Variants in SUPT3H observed in about 807,000 individuals in gnomAD.
The protein encoded by SUPT3H is transcription initiation protein SPT3 homolog.
Under a neutral mutation model 44.3 loss-of-function variants are expected in SUPT3H, and 44 were observed. The ratio of observed to expected loss-of-function variants is 0.99; its 90% CI spans 0.78 to 1.28. The LOEUF (loss-of-function observed/expected upper bound fraction) is 1.28. Ranked by LOEUF, SUPT3H falls within the 50% of genes most tolerant of loss-of-function variation. The pLI is 0.00. For missense variants in SUPT3H, 380 were observed against 387.1 expected (o/e 0.98, Z 0.15); for synonymous variants, 124 against 125.6 (o/e 0.99, Z 0.09).
At chr6:44,942,006 T>C (rs1053679677) in intron 9 of SUPT3H, among the ~76,000 whole-genome samples, 1 of 152,154 alleles carries the variant, frequency 6.6e-6, no homozygotes, top group African/African-American at 2.4e-5. Flanking sequence ...ACTGGGATAA[T>C]ACTTTCCTCA....
chr6:45,111,427 T>C (rs2153574339), intron 2 of SUPT3H, among the ~76,000 whole-genome samples: 1 of 152,192 alleles, frequency 6.6e-6, no homozygotes, highest in Admixed American at 6.5e-5. Context: ...GCATGACCAA[T>C]CACCCTAGTT....
intron 2 of SUPT3H, among the ~76,000 whole-genome samples, chr6:45,138,201 G>T (rs978428537): frequency 6.6e-6 from 1 of 152,078 alleles, no homozygotes; most frequent in Non-Finnish European, 1.5e-5. Context: ...AAGATAATAA[G>T]AAGTGCTAGG....
chr6:44,923,427 T>G (rs1769035256), intron 10 of SUPT3H, among the ~76,000 whole-genome samples: 1 of 152,122 alleles, frequency 6.6e-6, no homozygotes, highest in South Asian at 2.1e-4. Flanking sequence ...TCATCCACTG[T>G]TTTATATTTG....
intron 4 of SUPT3H, among the ~76,000 whole-genome samples, chr6:45,017,254 C>T (rs1210117231): frequency 4.0e-5 from 6 of 149,554 alleles, no homozygotes; most frequent in Non-Finnish European, 7.4e-5. Flanking sequence ...AGCCCTTTGT[C>T]AGATGAGTAG....
intron 6 of SUPT3H, among the ~76,000 whole-genome samples, chr6:44,966,081 A>C (rs935120204): frequency 2.5e-4 from 38 of 152,300 alleles, no homozygotes; most frequent in African/African-American, 8.7e-4. Flanking sequence ...CCATTAAAAA[A>C]ATCAAGACAG....
intron 2 of SUPT3H, among the ~76,000 whole-genome samples, chr6:45,319,939 GTAAA>G (rs1785230128): frequency 6.6e-6 from 1 of 152,064 alleles, no homozygotes; most frequent in South Asian, 2.1e-4. Flanking sequence ...ATAATGAAAA[GTAAA>G]TAAATTAAAT....
intron 10 of SUPT3H, among the ~76,000 whole-genome samples, chr6:44,844,818 ATGG>A (rs764721814): frequency 2.0e-5 from 3 of 152,202 alleles, no homozygotes; most frequent in Middle Eastern, 3.2e-3. Flanking sequence ...TTTAATTGTG[ATGG>A]TGGTTTTATG....
intron 2 of SUPT3H, among the ~76,000 whole-genome samples, chr6:45,134,836 G>C (rs1026911390): frequency 1.7e-4 from 26 of 152,126 alleles, no homozygotes; most frequent in African/African-American, 6.3e-4. Flanking sequence ...TTACCCTATG[G>C]GGACTATCAT....
At chr6:45,123,367 T>C (rs1397497573) in intron 2 of SUPT3H, among the ~76,000 whole-genome samples, 1 of 150,636 alleles carries the variant, frequency 6.6e-6, no homozygotes, top group African/African-American at 2.4e-5. Context: ...AATTGTATCA[T>C]TTATTTCTTT....
intron 2 of SUPT3H, among the ~76,000 whole-genome samples, chr6:45,326,174 G>T (rs939656061): frequency 6.6e-6 from 1 of 151,812 alleles, no homozygotes; most frequent in Non-Finnish European, 1.5e-5. Context: ...TTTTAAGGAA[G>T]AAAATAGCAA....
intron 2 of SUPT3H, among the ~76,000 whole-genome samples, chr6:45,272,275 C>A (rs1776310684): frequency 6.6e-6 from 1 of 152,118 alleles, no homozygotes. Context: ...TGTGTCCCCA[C>A]CCAAACCTCA....
rs550863752 is a variant in SUPT3H at position 45,218,953 on chromosome 6, A to G, written c.102-112947T>C. Among the ~76,000 whole-genome samples, 14 of 152,350 alleles carry G rather than the reference A, an allele frequency of 9.2e-5. No individual in the cohort carries two copies. In the South Asian group the frequency reaches 1.0e-3, roughly 11 times the overall value. On this transcript the variant is annotated intron_variant, in intron 2 of 10. Coordinates refer to ENST00000371459, the MANE Select transcript of SUPT3H (RefSeq NM_003599.4). ...TATCTAACCATAATTGAATCAAACTATTAATCAATAACAGAAAGATAATGA... is the reference window on the plus strand; with the variant it reads ...TATCTAACCATAATTGAATCAAACTGTTAATCAATAACAGAAAGATAATGA...
intron 2 of SUPT3H, among the ~76,000 whole-genome samples, chr6:45,163,483 C>CCAATAATCCAGCTT (rs1362092003): frequency 6.6e-6 from 1 of 152,034 alleles, no homozygotes; most frequent in Non-Finnish European, 1.5e-5. Flanking sequence ...TTTAAAAAAA[C>CCAATAATCCAGCTT]TTACGTAAAA....
intron 2 of SUPT3H, among the ~76,000 whole-genome samples, chr6:45,277,217 G>T (rs1456139952): frequency 2.0e-5 from 3 of 152,002 alleles, no homozygotes; most frequent in Non-Finnish European, 4.4e-5. Context: ...ATACTTCATA[G>T]AAATACTTTT....
intron 4 of SUPT3H, among the ~76,000 whole-genome samples, chr6:45,018,254 G>A (rs1477033966): frequency 1.2e-4 from 18 of 152,198 alleles, no homozygotes; most frequent in East Asian, 3.9e-4. Flanking sequence ...GGGCTGAGAC[G>A]ATGGGGTTTT....
chr6:44,890,993 A>C (rs1197786573), intron 10 of SUPT3H, among the ~76,000 whole-genome samples: 1 of 143,750 alleles, frequency 7.0e-6, no homozygotes, highest in Non-Finnish European at 1.5e-5. Context: ...TTGGGGGACT[A>C]GGGGAGGGGT....
At chr6:45,256,126 G>A (rs1267908559) in intron 2 of SUPT3H, among the ~76,000 whole-genome samples, 1 of 152,102 alleles carries the variant, frequency 6.6e-6, no homozygotes, top group Non-Finnish European at 1.5e-5. Context: ...AGCCGAGTTT[G>A]CACCACTGCA....
At chr6:44,966,944 T>C (rs1776861696) in intron 6 of SUPT3H, among the ~76,000 whole-genome samples, 1 of 152,230 alleles carries the variant, frequency 6.6e-6, no homozygotes, top group Non-Finnish European at 1.5e-5. Flanking sequence ...ATCTTTGGAT[T>C]AGTCATACTC....
chr6:45,350,666 T>C (rs1179557397), intron 2 of SUPT3H, among the ~76,000 whole-genome samples: 1 of 152,164 alleles, frequency 6.6e-6, no homozygotes, highest in African/African-American at 2.4e-5. Context: ...TGCTAAGATG[T>C]GGTCATAATC....
Sources: gnomAD v4.1 joint callset for allele counts (sites outside exome capture counted in the v4.1 genomes callset) on GRCh38, gnomAD v4.1.1 for gene constraint, MANE v1.5 for transcripts, NCBI Gene and HGNC (gene_info 2026-07-23, HGNC 2026-07-21) for gene names.